LPP: variants seen among roughly 807,000 people sequenced by gnomAD.
The protein encoded by LPP is lipoma-preferred partner.
A neutral mutation model predicts 60.4 loss-of-function variants in LPP; 38 were observed. The ratio of observed to expected loss-of-function variants is 0.63; its 90% CI spans 0.49 to 0.83. LPP has a LOEUF of 0.83. Ranked by LOEUF, LPP falls within the 40% of genes least tolerant of loss-of-function variation. The pLI is 0.00. For missense variants in LPP, 902 were observed against 783.6 expected (o/e 1.15, Z -1.80); for synonymous variants, 328 against 290.8 (o/e 1.13, Z -1.30).
At chr3:188,673,043 G>A (rs1296889894) in intron 7 of LPP, among the ~76,000 whole-genome samples, 1 of 151,278 alleles carries the variant, frequency 6.6e-6, no homozygotes, top group African/African-American at 2.4e-5. Context: ...CCATTAATGT[G>A]TGTGCAACAT....
At chr3:188,368,555 T>C (rs1359869380) in intron 3 of LPP, among the ~76,000 whole-genome samples, 2 of 152,082 alleles carry the variant, frequency 1.3e-5, no homozygotes, top group African/African-American at 4.8e-5. Context: ...AGAACTAAAG[T>C]CAAGGTCTCT....
At chr3:188,864,169 C>T (rs748654275) in intron 9 of LPP, among the ~76,000 whole-genome samples, 23 of 152,260 alleles carry the variant, frequency 1.5e-4, no homozygotes, top group Middle Eastern at 3.4e-3. Flanking sequence ...TTAATAGTTT[C>T]CATGCGTTTA....
rs373796497 is a variant in LPP, at chr3:188,879,906, C to G, written c.*5427C>G. Reference sequence around the variant, plus strand: ...TCCCTTCAATCCAGAAAAAAGGACACTAATTTCCTTTTCTATTTAATTTTC... The same window carrying G: ...TCCCTTCAATCCAGAAAAAAGGACAGTAATTTCCTTTTCTATTTAATTTTC... On this transcript the variant is annotated 3_prime_UTR_variant, in exon 12 of 12. Coordinates refer to ENST00000617246, the MANE Select transcript of LPP (RefSeq NM_001375462.1). 1.6e-5 allele frequency: 3 copies of G among 182,786 alleles called. No individual in the cohort carries two copies. The highest frequency in any genetic ancestry group is 8.8e-5 in the East Asian group (1 of 11,304). 11.3% of individuals were successfully genotyped at this position (182,786 alleles called of 1,614,324 possible).
chr3:188,673,788 G>C (rs1857424286), intron 7 of LPP, among the ~76,000 whole-genome samples: 2 of 152,062 alleles, frequency 1.3e-5, no homozygotes, highest in Non-Finnish European at 2.9e-5. Context: ...ACTTATTGGA[G>C]TAACTGAAAA....
intron 3 of LPP, among the ~76,000 whole-genome samples, chr3:188,379,165 C>T (rs982584164): frequency 6.6e-6 from 1 of 151,674 alleles, no homozygotes. Flanking sequence ...ACATAAGACA[C>T]AAGTTTGGTT....
At chr3:188,507,350 C>T (rs1304020918) in intron 5 of LPP, among the ~76,000 whole-genome samples, 2 of 152,116 alleles carry the variant, frequency 1.3e-5, no homozygotes, top group Admixed American at 6.5e-5. Flanking sequence ...ACATCTTGAG[C>T]AAATCAAGCT....
At chr3:188,416,088 C>G (rs60520066) in intron 4 of LPP, among the ~76,000 whole-genome samples, 1,377 of 128,726 alleles carry the variant, frequency 0.011, 23 homozygotes, top group African/African-American at 0.04. Flanking sequence ...TTGCAACTTT[C>G]TATGAGTCCA....
intron 1 of LPP, among the ~76,000 whole-genome samples, chr3:188,209,706 G>A (rs149214821): frequency 1.8e-3 from 276 of 152,320 alleles, no homozygotes; most frequent in African/African-American, 6.5e-3. Flanking sequence ...GGGTGGGAAT[G>A]TGGCTTGGGC....
At chr3:188,194,832 C>T (rs1332602300) in intron 1 of LPP, among the ~76,000 whole-genome samples, 1 of 152,118 alleles carries the variant, frequency 6.6e-6, no homozygotes, top group Non-Finnish European at 1.5e-5. Flanking sequence ...GTGAGATTTG[C>T]AGAGTTAAGA....
Position 188,760,102 on chromosome 3 carries a change from T to C in LPP, c.1241-11T>C, listed in dbSNP as rs751608889. ...CCTTGGTGTGTTCTTATCAAACCCT[T>C]TTTTTTCCAGGCCGCTGTGCTCGCT... On this transcript the variant is annotated splice_polypyrimidine_tract_variant and intron_variant, in intron 8 of 11. Transcript: ENST00000617246. 1.5e-5 allele frequency: 25 copies of C among 1,613,406 alleles called. No homozygotes were observed. The highest frequency in any genetic ancestry group is 2.0e-5 in the Non-Finnish European group (24 of 1,179,908).
chr3:188,439,129 G>T (rs185128518), intron 4 of LPP, among the ~76,000 whole-genome samples: 1 of 152,254 alleles, frequency 6.6e-6, no homozygotes, highest in East Asian at 1.9e-4. Context: ...GATAAAGAAA[G>T]GGGAGTAGTC....
In LPP at chr3:188,883,606, G is replaced by A. The variant is rs1479366523; in HGVS notation, c.*9127G>A. The stretch of plus-strand genomic sequence containing the variant: ...AAATTAGCCGGGCGTGTTGGCGGGC[G>A]CCTGTAGTCCCAACTACTTGGGAGG... On this transcript the variant is annotated 3_prime_UTR_variant, in exon 12 of 12. Transcript: ENST00000617246. 3 of 179,928 alleles carry A rather than the reference G, an allele frequency of 1.7e-5. No homozygotes were observed. Among genetic ancestry groups the A allele is most frequent in the East Asian group, 1.8e-4 (2 of 10,830 alleles). 11.1% of individuals were successfully genotyped at this position (179,928 alleles called of 1,614,324 possible). A position where few individuals can be genotyped will look rare whatever the true frequency, so the allele number is the denominator to read the frequency against.
chr3:188,865,652 A>G (rs960520741), intron 9 of LPP, among the ~76,000 whole-genome samples: 2 of 151,162 alleles, frequency 1.3e-5, no homozygotes, highest in African/African-American at 4.9e-5. Flanking sequence ...TCAACAAACT[A>G]TGCCCATGGG....
intron 7 of LPP, among the ~76,000 whole-genome samples, chr3:188,645,561 A>T (rs962938848): frequency 6.6e-6 from 1 of 152,170 alleles, no homozygotes; most frequent in African/African-American, 2.4e-5. Context: ...GTCACTTTTC[A>T]TTAGGAGACA....
At chr3:188,422,997 C>A (rs1422694377) in intron 4 of LPP, among the ~76,000 whole-genome samples, 4 of 146,792 alleles carry the variant, frequency 2.7e-5, no homozygotes, top group Admixed American at 2.1e-4. Flanking sequence ...ATGTGCAGAA[C>A]GTGCAGGTTT....
At chr3:188,397,265 A>G (rs1456600267) in intron 3 of LPP, among the ~76,000 whole-genome samples, 3 of 152,184 alleles carry the variant, frequency 2.0e-5, no homozygotes, top group African/African-American at 7.2e-5. Context: ...ATTACATTGG[A>G]TAAGTTTCTT....
At chr3:188,642,301 C>T (rs997443367) in intron 7 of LPP, among the ~76,000 whole-genome samples, 2 of 152,158 alleles carry the variant, frequency 1.3e-5, no homozygotes, top group African/African-American at 2.4e-5. Flanking sequence ...TATTAATTTT[C>T]TCATGTGGCT....
rs199721345 is a variant in LPP, at chr3:188,874,438, C to T, written c.1798C>T (p.Arg600Cys). 57 of 1,614,032 alleles carry T rather than the reference C, an allele frequency of 3.5e-5. No individual in the cohort carries two copies. Among genetic ancestry groups the T allele is most frequent in the East Asian group, 2.2e-5 (1 of 44,898 alleles). ...HILCKTCNSA[R>C]IRVLTAKAST... ...CCTCTGCAAGACCTGCAACTCTGCC[C>T]GCATCAGGGTGTTGACCGCCAAGGC... Residue 600 changes from arginine to cysteine, a missense_variant, in exon 12 of 12, where the codon CGC becomes TGC. Arg to Cys is a radical substitution (Grantham distance 180, BLOSUM62 -3). Transcript: ENST00000617246.
intron 6 of LPP, among the ~76,000 whole-genome samples, chr3:188,536,675 G>A (rs917954022): frequency 8.4e-6 from 1 of 118,556 alleles, no homozygotes; most frequent in Non-Finnish European, 1.8e-5. Flanking sequence ...TTCTGCTGGT[G>A]TAAATAAAAT....
Sources: allele counts gnomAD v4.1 joint callset (sites outside exome capture counted in the v4.1 genomes callset), GRCh38; gene constraint gnomAD v4.1.1; transcripts MANE v1.5; gene names NCBI Gene and HGNC (gene_info 2026-07-23, HGNC 2026-07-21).